The following PTPRD variants were observed in gnomAD, a reference collection of about 807,000 sequenced individuals.
PTPRD encodes protein tyrosine phosphatase receptor type D.
Under a neutral mutation model 214.5 loss-of-function variants are expected in PTPRD, and 34 were observed. That is an observed-to-expected ratio of 0.16 (90% CI 0.12 to 0.21). PTPRD has a LOEUF of 0.21. Among genes scored for constraint, PTPRD ranks in the 10% least tolerant of loss-of-function variants. The pLI, the probability that PTPRD is intolerant of heterozygous loss-of-function variation, is 1.00. For missense variants in PTPRD, 2,545 were observed against 2,398.7 expected, an observed-to-expected ratio of 1.06 and a Z score of -1.27; for synonymous variants, 1,128 against 845.7, an observed-to-expected ratio of 1.33 and a Z score of -5.79.
chr9:10,188,707 C>T (rs956259168), intron 3 of PTPRD, among the ~76,000 whole-genome samples: 1 of 151,988 alleles, frequency 6.6e-6, no homozygotes, highest in Non-Finnish European at 1.5e-5. Context: ...ATTGGCACTG[C>T]ATGGTAGGTT....
chr9:8,400,397 ACT>A (rs1469179410), intron 36 of PTPRD, among the ~76,000 whole-genome samples: 1 of 152,092 alleles, frequency 6.6e-6, no homozygotes, highest in Non-Finnish European at 1.5e-5. Context: ...CAATCTTATG[ACT>A]CTGGTCCACC....
intron 5 of PTPRD, among the ~76,000 whole-genome samples, chr9:9,890,035 G>A (rs1482819034): frequency 6.6e-6 from 1 of 152,012 alleles, no homozygotes; most frequent in African/African-American, 2.4e-5. Flanking sequence ...AAGAGGCATG[G>A]ATTTCAGATC....
chr9:10,137,884 G>A (rs2098954089), intron 3 of PTPRD, among the ~76,000 whole-genome samples: 1 of 151,972 alleles, frequency 6.6e-6, no homozygotes, highest in Admixed American at 6.6e-5. Flanking sequence ...ATGTGATGCA[G>A]CTAAAGCAGG....
intron 5 of PTPRD, among the ~76,000 whole-genome samples, chr9:9,848,429 GAACA>G (rs1461740521): frequency 6.6e-6 from 1 of 152,056 alleles, no homozygotes; most frequent in African/African-American, 2.4e-5. Flanking sequence ...GTATAGAAAA[GAACA>G]AATAGGGATA....
chr9:9,579,081 T>A (rs2089955060), intron 7 of PTPRD, among the ~76,000 whole-genome samples: 1 of 152,178 alleles, frequency 6.6e-6, no homozygotes, highest in Non-Finnish European at 1.5e-5. Flanking sequence ...TACATCTCTA[T>A]ATGATAGTTA....
intron 9 of PTPRD, among the ~76,000 whole-genome samples, chr9:9,232,098 C>T (rs557582297): frequency 1.3e-5 from 2 of 152,238 alleles, no homozygotes; most frequent in South Asian, 2.1e-4. Context: ...TGCAGGGGAA[C>T]AAAAGTTGCT....
At chr9:9,784,640 C>T (rs1397574009) in intron 5 of PTPRD, among the ~76,000 whole-genome samples, 1 of 151,898 alleles carries the variant, frequency 6.6e-6, no homozygotes, top group Non-Finnish European at 1.5e-5. Context: ...GCAGACCATA[C>T]TGACTCACTC....
rs761233345 is a variant in PTPRD at position 9,989,761 on chromosome 9, G to A, written c.-472+43957C>T. On this transcript the variant is annotated intron_variant, in intron 4 of 45. Coordinates refer to ENST00000381196, the MANE Select transcript of PTPRD (RefSeq NM_002839.4). Reference sequence around the variant, plus strand: ...AAAGAGTGCACTGTGACACACACCCGCTGGGGCTCCAGGGGTCATGGGCAA... The same window carrying A: ...AAAGAGTGCACTGTGACACACACCCACTGGGGCTCCAGGGGTCATGGGCAA... 1.4e-4 allele frequency among the ~76,000 whole-genome samples: 21 copies of A among 152,280 alleles called. No individual in the cohort carries two copies. The East Asian group carries it at 3.3e-3, about 24-fold the overall frequency.
Position 8,593,410 on chromosome 9 carries a change from T to C in PTPRD, c.352+39907A>G, listed in dbSNP as rs191584950. ...CCTGGTGAAAGGTCACACTTGTTTA[T>C]TGTAAGCTTGCCTTTGTTGTTGCTA... On this transcript the variant is annotated intron_variant, in intron 14 of 45. Transcript: ENST00000381196. Among the ~76,000 whole-genome samples the C allele has an allele frequency of 4.7e-4, 72 of 152,302 alleles. 2 individuals carry two copies. Among genetic ancestry groups the C allele is most frequent in the Admixed American group, 4.2e-3 (64 of 15,306 alleles).
chr9:10,202,041 G>C (rs1048161912), intron 3 of PTPRD, among the ~76,000 whole-genome samples: 3 of 151,990 alleles, frequency 2.0e-5, no homozygotes, highest in Non-Finnish European at 4.4e-5. Context: ...AAAGAAATAA[G>C]AACAGTGAGA....
chr9:10,363,512 C>T (rs558679504), intron 2 of PTPRD, among the ~76,000 whole-genome samples: 1 of 152,310 alleles, frequency 6.6e-6, no homozygotes, highest in South Asian at 2.1e-4. Context: ...TCTTCAAGCT[C>T]CACTTGGGGA....
At chr9:9,931,512 T>C (rs564061979) in intron 5 of PTPRD, among the ~76,000 whole-genome samples, 2 of 152,326 alleles carry the variant, frequency 1.3e-5, no homozygotes, top group East Asian at 1.9e-4. Context: ...TACTGCGCTT[T>C]TCCGACGGGC....
At chr9:9,167,328 TTGTGTGTG>T (rs147430665) in intron 10 of PTPRD, among the ~76,000 whole-genome samples, 25 of 145,586 alleles carry the variant, frequency 1.7e-4, no homozygotes, top group Admixed American at 2.8e-4. Context: ...TATATGGGGT[TTGTGTGTG>T]TGTGTGTGTG....
At chr9:8,796,479 T>C (rs2096427418) in intron 11 of PTPRD, among the ~76,000 whole-genome samples, 1 of 152,166 alleles carries the variant, frequency 6.6e-6, no homozygotes, top group African/African-American at 2.4e-5. Context: ...CAGCCTACAA[T>C]ACTTATCAGT....
intron 4 of PTPRD, among the ~76,000 whole-genome samples, chr9:9,990,498 A>T (rs1241687577): frequency 6.6e-6 from 1 of 152,124 alleles, no homozygotes; most frequent in African/African-American, 2.4e-5. Context: ...GGGTGTGCCC[A>T]TTCCAGGCAT....
intron 7 of PTPRD, among the ~76,000 whole-genome samples, chr9:9,685,263 T>C (rs906071423): frequency 1.5e-5 from 2 of 129,082 alleles, no homozygotes; most frequent in African/African-American, 3.1e-5. Flanking sequence ...TTATATATGC[T>C]TATTATATAT....
At chr9:10,048,634 C>T (rs749213992) in intron 3 of PTPRD, among the ~76,000 whole-genome samples, 13 of 152,052 alleles carry the variant, frequency 8.5e-5, no homozygotes, top group Admixed American at 2.0e-4. Context: ...GGAAAAAAAT[C>T]TTCGAGGAGG....
chr9:9,789,086 G>T (rs7870880), intron 5 of PTPRD, among the ~76,000 whole-genome samples: 49,299 of 151,994 alleles, frequency 0.32, 8,681 homozygotes, highest in East Asian at 0.72. Flanking sequence ...GACATCTGGA[G>T]GGATCTTATA....
chr9:8,892,666 T>G (rs2098551310), intron 11 of PTPRD, among the ~76,000 whole-genome samples: 1 of 127,960 alleles, frequency 7.8e-6, no homozygotes, highest in South Asian at 2.8e-4. Flanking sequence ...TGAGTGTATA[T>G]ATATGTGTAT....
Sources: gnomAD v4.1 joint callset for allele counts (sites outside exome capture counted in the v4.1 genomes callset) on GRCh38, gnomAD v4.1.1 for gene constraint, MANE v1.5 for transcripts, NCBI Gene and HGNC (gene_info 2026-07-23, HGNC 2026-07-21) for gene names.